Variants in CHURC1 observed in about 807,000 individuals in gnomAD.
CHURC1 encodes churchill domain containing 1.
Under a neutral mutation model 15.4 loss-of-function variants are expected in CHURC1, and 12 were observed. The ratio of observed to expected loss-of-function variants is 0.78; its 90% CI spans 0.50 to 1.27. CHURC1 has a LOEUF of 1.27. Ranked by LOEUF, CHURC1 falls within the 50% of genes most tolerant of loss-of-function variation. The pLI is 0.00. For missense variants in CHURC1, 132 were observed against 137.8 expected, an observed-to-expected ratio of 0.96 and a Z score of 0.21; for synonymous variants, 42 against 47.5, an observed-to-expected ratio of 0.88 and a Z score of 0.48.
Position 64,923,980 on chromosome 14 carries a change from T to A in CHURC1, c.40-11T>A, listed in dbSNP as rs371958910. 11 of 1,504,616 alleles carry A rather than the reference T, an allele frequency of 7.3e-6. No individual in the cohort carries two copies. The highest frequency in any genetic ancestry group is 1.4e-5 in the African/African-American group (1 of 71,186). 93.2% of individuals were successfully genotyped at this position (1,504,616 alleles called of 1,614,324 possible). A position where few individuals can be genotyped will look rare whatever the true frequency, so the allele number is the denominator to read the frequency against. ...TGTAAAGAAATTAAATTCCTGTTTC[T>A]GATATTTTAGGGTAATACCTGCCTG... On this transcript the variant is annotated splice_polypyrimidine_tract_variant and intron_variant, in intron 1 of 3. Transcript: ENST00000549115.
intron 3 of CHURC1, among the ~76,000 whole-genome samples, chr14:64,928,751 C>G (rs1884902356): frequency 6.6e-6 from 1 of 152,148 alleles, no homozygotes; most frequent in South Asian, 2.1e-4. Context: ...CTTTTTGAAG[C>G]ATTTCTGCCC....
Position 64,926,074 on chromosome 14 carries a change from A to G in CHURC1, c.240A>G (p.Glu80=). Residue 80 remains glutamate (E), a synonymous_variant, in exon 3 of 4, where the codon GAA becomes GAG. Transcript: ENST00000549115. ...RHEYTFSIMD[E]FQEYTMLCLL... is the part of the protein sequence containing the mutation. ...AGTATACATTCAGTATCATGGATGA[A>G]TTTCAGGTAAATATAAATATGGGTA... The G allele has an allele frequency of 1.9e-6, 3 of 1,589,142 alleles. No individual in the cohort carries two copies. In the African/African-American group the frequency reaches 4.0e-5, roughly 21 times the overall value.
At chr14:64,932,101 G>T in intron 3 of CHURC1, 37 bp from the exon 4 acceptor site, 2 of 1,590,750 alleles carry the variant, frequency 1.3e-6, no homozygotes, top group Admixed American at 1.8e-5. Context: ...CTTTTTCCCT[G>T]TTCCTCTAGG....
At chr14:64,930,198 C>A (rs2139916469) in intron 3 of CHURC1, among the ~76,000 whole-genome samples, 1 of 152,056 alleles carries the variant, frequency 6.6e-6, no homozygotes, top group East Asian at 1.9e-4. Context: ...TCCCCTAGGC[C>A]CTGCCCAGTT....
At chr14:64,931,019 G>A in intron 3 of CHURC1, 1 of 334,042 alleles carries the variant, frequency 3.0e-6, no homozygotes, top group Admixed American at 4.3e-5. Context: ...TTACCTCTGT[G>A]GCCCTCTCTA....
At chr14:64,930,743 T>C (rs780471589) in intron 3 of CHURC1, 8 of 431,582 alleles carry the variant, frequency 1.9e-5, no homozygotes, top group Non-Finnish European at 3.6e-5. Context: ...TTGTTTAGCC[T>C]CACACATTTT....
chr14:64,921,106 A>G (rs915718805), intron 1 of CHURC1, among the ~76,000 whole-genome samples: 5 of 152,166 alleles, frequency 3.3e-5, no homozygotes, highest in Non-Finnish European at 5.9e-5. Flanking sequence ...CAGTGGGGGG[A>G]AAGACAGTTC....
chr14:64,933,616 C>T lies in CHURC1; in HGVS notation c.*1386C>T, dbSNP rs1191766276. ...TAAATGAATTAGTGAATGTAAGATA[C>T]TTTAGAAAGCATGTAAAGTACTAGA... is the stretch of plus-strand genomic sequence containing the variant. On this transcript the variant is annotated 3_prime_UTR_variant, in exon 4 of 4. Coordinates refer to ENST00000549115, the MANE Select transcript of CHURC1 (RefSeq NM_001386928.1). 2 of 984,908 alleles carry T rather than the reference C, an allele frequency of 2.0e-6. No individual in the cohort carries two copies. Among genetic ancestry groups the T allele is most frequent in the Non-Finnish European group, 2.4e-6 (2 of 829,620 alleles). 61.0% of individuals were successfully genotyped at this position (984,908 alleles called of 1,614,324 possible). A position where few individuals can be genotyped will look rare whatever the true frequency, so the allele number is the denominator to read the frequency against.
chr14:64,933,472 A>G lies in CHURC1; in HGVS notation c.*1242A>G. ...AAACTGGCATTTAGGCCTCTCTGCC[A>G]TTTAGTAGCAGTATAGTCATTAAGC... On this transcript the variant is annotated 3_prime_UTR_variant, in exon 4 of 4. Coordinates refer to ENST00000549115, the MANE Select transcript of CHURC1 (RefSeq NM_001386928.1). 2.0e-6 allele frequency: 2 copies of G among 985,426 alleles called. No homozygotes were observed. Among genetic ancestry groups the G allele is most frequent in the Non-Finnish European group, 1.2e-6 (1 of 829,900 alleles). 61.0% of individuals were successfully genotyped at this position (985,426 alleles called of 1,614,324 possible). A position where few individuals can be genotyped will look rare whatever the true frequency, so the allele number is the denominator to read the frequency against.
In CHURC1 at chr14:64,934,409, C is replaced by T; in HGVS notation, c.*2179C>T. The stretch of plus-strand genomic sequence containing the variant: ...AAGTTAAATAACTTGTTTAAGATCA[C>T]ACAGCTAGTGCAGTTACCCCCTCTC... On this transcript the variant is annotated 3_prime_UTR_variant, in exon 4 of 4. Transcript: ENST00000549115. The T allele has an allele frequency of 1.0e-6, 1 of 982,636 alleles. No homozygotes were observed. Among genetic ancestry groups the T allele is most frequent in the South Asian group, 4.7e-5 (1 of 21,258 alleles). 60.9% of individuals were successfully genotyped at this position (982,636 alleles called of 1,614,324 possible).
chr14:64,914,588 T>A, intron 1 of CHURC1, 54 bp downstream of exon 1: 1 of 1,611,036 alleles, frequency 6.2e-7, no homozygotes, highest in Non-Finnish European at 8.5e-7. Context: ...GTGTCTCATA[T>A]CCAAGGCTGG....
At chr14:64,925,252 C>T (rs1420775019) in intron 2 of CHURC1, among the ~76,000 whole-genome samples, 1 of 152,114 alleles carries the variant, frequency 6.6e-6, no homozygotes, top group Non-Finnish European at 1.5e-5. Flanking sequence ...AATAAATCAT[C>T]GTTTTTACTA....
intron 1 of CHURC1, among the ~76,000 whole-genome samples, chr14:64,918,056 G>C (rs746303158): frequency 1.3e-5 from 2 of 152,134 alleles, no homozygotes; most frequent in Non-Finnish European, 2.9e-5. Context: ...AAAATGTAGA[G>C]AATCAAGGAC....
chr14:64,924,083 A>C lies in CHURC1; in HGVS notation c.132A>C (p.Lys44Asn), dbSNP rs1256672415. The C allele has an allele frequency of 6.2e-7, 1 of 1,608,836 alleles. No homozygotes were observed. The highest frequency in any genetic ancestry group is 1.7e-5 in the Admixed American group (1 of 59,320). ...SKRDFMLITNKSLKEEDGEEI... is the reference protein window; with the variant it reads ...SKRDFMLITNNSLKEEDGEEI... ...GGGATTTTATGCTGATCACAAACAA[A>C]TCCTTGAAAGAAGAAGATGGAGAAG... Residue 44 changes from lysine (K) to asparagine (N), a missense_variant, in exon 2 of 4, where the codon AAA becomes AAC. Lys to Asn is a moderately conservative substitution (Grantham distance 94). Coordinates refer to ENST00000549115, the MANE Select transcript of CHURC1 (RefSeq NM_001386928.1).
chr14:64,925,381 G>A lies in CHURC1; in HGVS notation c.176-629G>A, dbSNP rs1226201512. On this transcript the variant is annotated intron_variant, in intron 2 of 3. Coordinates refer to ENST00000549115, the MANE Select transcript of CHURC1 (RefSeq NM_001386928.1). ...ATGAAAGCTTTTACATAGTTAAATA[G>A]GTCCAGCTGGGATGGGTGCGGTGGC... 7.2e-5 allele frequency among the ~76,000 whole-genome samples: 11 copies of A among 152,138 alleles called. No homozygotes were observed. The South Asian group carries it at 2.3e-3, about 32-fold the overall frequency.
intron 1 of CHURC1, among the ~76,000 whole-genome samples, chr14:64,916,110 G>A (rs1240060221): frequency 6.6e-6 from 1 of 152,200 alleles, no homozygotes; most frequent in Non-Finnish European, 1.5e-5. Flanking sequence ...CTGAATTATA[G>A]CCGTGAAACC....
Position 64,934,809 on chromosome 14 carries a change from A to G in CHURC1, c.*2579A>G. ...GAGTCTAATTTTATATGCCCTGCCA[A>G]TGTCCTCATCTATTGCAGAATGTAT... On this transcript the variant is annotated 3_prime_UTR_variant, in exon 4 of 4. Coordinates refer to ENST00000549115, the MANE Select transcript of CHURC1 (RefSeq NM_001386928.1). 1.0e-6 allele frequency: 1 copy of G among 985,388 alleles called. No individual in the cohort carries two copies. The highest frequency in any genetic ancestry group is 1.2e-6 in the Non-Finnish European group (1 of 829,888). The allele number at this position is 985,388 out of a possible 1,614,324, so 61.0% of individuals were successfully genotyped here. A position where few individuals can be genotyped will look rare whatever the true frequency, so the allele number is the denominator to read the frequency against.
chr14:64,919,311 A>G (rs1884110124), intron 1 of CHURC1, among the ~76,000 whole-genome samples: 1 of 152,208 alleles, frequency 6.6e-6, no homozygotes, highest in Non-Finnish European at 1.5e-5. Context: ...ATACATTATG[A>G]ATCAGTGGGA....
intron 1 of CHURC1, among the ~76,000 whole-genome samples, chr14:64,919,352 T>C (rs1238721460): frequency 3.3e-5 from 5 of 152,246 alleles, no homozygotes; most frequent in African/African-American, 1.2e-4. Context: ...TGTTTAAAAT[T>C]ACTTGTTTTG....
Sources: gnomAD v4.1 joint callset for allele counts (sites outside exome capture counted in the v4.1 genomes callset) on GRCh38, gnomAD v4.1.1 for gene constraint, MANE v1.5 for transcripts, NCBI Gene and HGNC (gene_info 2026-07-23, HGNC 2026-07-21) for gene names.